Variants in ANP32A observed in about 807,000 individuals in gnomAD.
ANP32A encodes the protein acidic leucine-rich nuclear phosphoprotein 32 family member A.
In ANP32A, 1 loss-of-function variant was observed where a neutral mutation model predicts 33.9. That is an observed-to-expected ratio of 0.03 (90% CI 0.01 to 0.14). ANP32A has a LOEUF of 0.14. Ranked by LOEUF, ANP32A falls within the 10% of genes least tolerant of loss-of-function variation. The pLI, the probability that ANP32A is intolerant of heterozygous loss-of-function variation, is 1.00. For synonymous variants in ANP32A, 115 were observed against 120.5 expected (o/e 0.95, Z 0.30); for missense variants, 155 against 306.0 (o/e 0.51, Z 3.68).
chr15:68,808,213 C>T (rs1301627912), intron 1 of ANP32A, among the ~76,000 whole-genome samples: 7 of 152,196 alleles, frequency 4.6e-5, no homozygotes, highest in Non-Finnish European at 8.8e-5. Flanking sequence ...TTTAGAGTCC[C>T]CTTTAGAGCT....
At position 68,779,455 on chromosome 15, in the gene ANP32A, G is replaced by A. The variant is rs1196410957; in HGVS notation, c.*626C>T. 1 of 152,168 alleles carries A rather than the reference G, an allele frequency of 6.6e-6. No homozygotes were observed. The highest frequency in any genetic ancestry group is 1.9e-4 in the East Asian group (1 of 5,194). 9.4% of individuals were successfully genotyped at this position (152,168 alleles called of 1,614,324 possible). On this transcript the variant is annotated 3_prime_UTR_variant, in exon 7 of 7. Coordinates refer to ENST00000465139, the MANE Select transcript of ANP32A (RefSeq NM_006305.4). ...AGCTCTCTGGCTCATAAGCTCAAGA[G>A]TAACATCAGAGTCCTCTTTGTAGAG...
intron 1 of ANP32A, among the ~76,000 whole-genome samples, chr15:68,797,478 C>T (rs575506065): frequency 5.9e-5 from 9 of 152,240 alleles, no homozygotes; most frequent in Admixed American, 2.6e-4. Flanking sequence ...CTTCCTAAAA[C>T]GCTGCTTTGA....
Position 68,780,602 on chromosome 15 carries a change from C to T in ANP32A, c.625-129G>A. The T allele has an allele frequency of 4.1e-6, 6 of 1,447,478 alleles. No individual in the cohort carries two copies. Among genetic ancestry groups the T allele is most frequent in the Non-Finnish European group, 3.7e-6 (4 of 1,092,450 alleles). The allele number at this position is 1,447,478 out of a possible 1,614,324, so 89.7% of individuals were successfully genotyped here. A position where few individuals can be genotyped will look rare whatever the true frequency, so the allele number is the denominator to read the frequency against. ...CAGAGCCCCCACCAAGACTTGACAT[C>T]TCGGGAGGAATGTAAAGCAGAGGTT... On this transcript the variant is annotated intron_variant, in intron 5 of 6. Coordinates refer to ENST00000465139, the MANE Select transcript of ANP32A (RefSeq NM_006305.4). This position sits in a 1 kb window ranked among gnomAD's most constrained non-coding sequence, Gnocchi z 4.3.
chr15:68,798,023 C>A (rs1894085526), intron 1 of ANP32A, among the ~76,000 whole-genome samples: 1 of 152,228 alleles, frequency 6.6e-6, no homozygotes, highest in South Asian at 2.1e-4. Flanking sequence ...AAGCTCCCCA[C>A]TAAAACCACT....
At chr15:68,806,185 A>T (rs1389231416) in intron 1 of ANP32A, among the ~76,000 whole-genome samples, 2 of 152,212 alleles carry the variant, frequency 1.3e-5, no homozygotes, top group Admixed American at 1.3e-4. Flanking sequence ...CATTTGTGGC[A>T]GTAATAAGCC....
At chr15:68,815,084 T>C (rs1236086459) in intron 1 of ANP32A, among the ~76,000 whole-genome samples, 3 of 152,238 alleles carry the variant, frequency 2.0e-5, no homozygotes, top group Non-Finnish European at 1.5e-5. Context: ...CTATGGAGGT[T>C]CCTGGGTTGA....
intron 4 of ANP32A, 47 bp downstream of exon 4, chr15:68,784,350 G>A (rs771269771): frequency 1.3e-6 from 2 of 1,550,178 alleles, no homozygotes; most frequent in East Asian, 4.7e-5. Context: ...CGAGCCCCAA[G>A]GCCTCAGCTG....
rs114812982 is a variant in ANP32A at position 68,811,175 on chromosome 15, C to A, written c.54+9523G>T. ...TATTTAGGAAGCAAACCAGACTTCA[C>A]GTGGTGGAGTAAGAGAGGTGACAGG... On this transcript the variant is annotated intron_variant, in intron 1 of 6. Transcript: ENST00000465139. Among the ~76,000 whole-genome samples the A allele has an allele frequency of 8.0e-3, 1,212 of 151,478 alleles. 13 individuals carry two copies. Among genetic ancestry groups the A allele is most frequent in the African/African-American group, 0.021 (872 of 41,250 alleles).
chr15:68,815,213 C>T (rs940277195), intron 1 of ANP32A, among the ~76,000 whole-genome samples: 8 of 152,142 alleles, frequency 5.3e-5, no homozygotes, highest in Non-Finnish European at 1.0e-4. Context: ...CAAAGCAAAA[C>T]ACTAGATCCC....
At chr15:68,794,228 G>C (rs1198548883) in intron 1 of ANP32A, among the ~76,000 whole-genome samples, 1 of 152,194 alleles carries the variant, frequency 6.6e-6, no homozygotes, top group African/African-American at 2.4e-5. Context: ...TGGAAACGAA[G>C]GGCAGGTTAG....
chr15:68,811,262 A>C (rs1894308365), intron 1 of ANP32A, among the ~76,000 whole-genome samples: 1 of 152,072 alleles, frequency 6.6e-6, no homozygotes, highest in Non-Finnish European at 1.5e-5. Flanking sequence ...ATGGGCAGTA[A>C]CTACAGCGCA....
At position 68,779,952 on chromosome 15, in the gene ANP32A, G is replaced by A. The variant is rs574351075; in HGVS notation, c.*129C>T. 1.2e-3 allele frequency: 616 copies of A among 520,364 alleles called. 5 individuals are homozygous for A. The highest frequency in any genetic ancestry group is 2.3e-3 in the African/African-American group (106 of 46,872). The allele number at this position is 520,364 out of a possible 1,614,324, so 32.2% of individuals were successfully genotyped here. A position where few individuals can be genotyped will look rare whatever the true frequency, so the allele number is the denominator to read the frequency against. The stretch of plus-strand genomic sequence containing the variant: ...ACCCCCAGTACACTCTTCCCCTCTC[G>A]TTCCCACAGCAACGTTACAATCAGA... On this transcript the variant is annotated 3_prime_UTR_variant, in exon 7 of 7. Transcript: ENST00000465139.
At chr15:68,797,591 G>A (rs546893541) in intron 1 of ANP32A, among the ~76,000 whole-genome samples, 1 of 152,304 alleles carries the variant, frequency 6.6e-6, no homozygotes, top group South Asian at 2.1e-4. Context: ...CCACCCATCA[G>A]TGCTCCCTGG....
intron 1 of ANP32A, among the ~76,000 whole-genome samples, chr15:68,815,069 T>C (rs1277671660): frequency 6.6e-6 from 1 of 152,210 alleles, no homozygotes; most frequent in African/African-American, 2.4e-5. Context: ...GGATAATTTC[T>C]CTTCCTATGG....
rs1346312372 is a variant in ANP32A at position 68,800,514 on chromosome 15, G to GCTGGCGGAT, written c.55-12604_55-12596dup. Among the ~76,000 whole-genome samples the GCTGGCGGAT allele has an allele frequency of 5.3e-5, 8 of 151,326 alleles. No homozygotes were observed. In the East Asian group the frequency reaches 1.6e-3, roughly 29 times the overall value. On this transcript the variant is annotated intron_variant, in intron 1 of 6. Coordinates refer to ENST00000465139, the MANE Select transcript of ANP32A (RefSeq NM_006305.4). ...AATCCCAGCACTTTGGGAGGCCGAG[G>GCTGGCGGAT]CTGGCGGATCATGAGGTCAGGAGAT...
chr15:68,780,332 G>C lies in ANP32A; in HGVS notation c.688+78C>G. 1 of 1,607,810 alleles carries C rather than the reference G, an allele frequency of 6.2e-7. No individual in the cohort carries two copies. Among genetic ancestry groups the C allele is most frequent in the South Asian group, 1.1e-5 (1 of 90,370 alleles). On this transcript the variant is annotated intron_variant, in intron 6 of 6. Coordinates refer to ENST00000465139, the MANE Select transcript of ANP32A (RefSeq NM_006305.4). This position sits in a 1 kb window ranked among gnomAD's most constrained non-coding sequence, Gnocchi z 4.3. ...AGGAGTGTCCTGCCCACTGCCAGGG[G>C]CCTCTGAGTCTAAGCAATCTAAGGC...
At chr15:68,784,247 G>T in intron 4 of ANP32A, 150 bp downstream of exon 4, 1 of 830,358 alleles carries the variant, frequency 1.2e-6, no homozygotes, top group Non-Finnish European at 1.9e-6. Context: ...CCATAGCTTT[G>T]GAAGGTGGTA....
At chr15:68,808,086 C>T (rs1308067722) in intron 1 of ANP32A, among the ~76,000 whole-genome samples, 2 of 152,192 alleles carry the variant, frequency 1.3e-5, no homozygotes, top group African/African-American at 4.8e-5. Flanking sequence ...ATCCTGCATC[C>T]TTCTTTCCTA....
chr15:68,812,435 G>T (rs1210002626), intron 1 of ANP32A, among the ~76,000 whole-genome samples: 1 of 152,208 alleles, frequency 6.6e-6, no homozygotes, highest in Non-Finnish European at 1.5e-5. Flanking sequence ...GCACCCGTCT[G>T]GGGTAGGAGC....
Sources: allele counts gnomAD v4.1 joint callset (sites outside exome capture counted in the v4.1 genomes callset), GRCh38; gene constraint gnomAD v4.1.1; non-coding constraint Gnocchi (gnomAD v3.1); transcripts MANE v1.5; gene names NCBI Gene and HGNC (gene_info 2026-07-23, HGNC 2026-07-21).